ANKS1B: variants seen among roughly 807,000 people sequenced by gnomAD.
The protein encoded by ANKS1B is ankyrin repeat and sterile alpha motif domain-containing protein 1B.
A neutral mutation model predicts 148.3 loss-of-function variants in ANKS1B; 36 were observed. The observed-to-expected ratio is 0.24, with a 90% confidence interval of 0.19 to 0.32. ANKS1B has a LOEUF of 0.32. Ranked by LOEUF, ANKS1B falls within the 10% of genes least tolerant of loss-of-function variation. The probability of loss-of-function intolerance (pLI) is 1.00; values close to 1 mark genes in which losing one functional copy is unlikely to be tolerated. For synonymous variants in ANKS1B, 542 were observed against 560.8 expected (o/e 0.97, Z 0.47); for missense variants, 1,157 against 1,542.6 (o/e 0.75, Z 4.19).
intron 9 of ANKS1B, among the ~76,000 whole-genome samples, chr12:99,553,882 G>A (rs2097249991): frequency 6.6e-6 from 1 of 152,170 alleles, no homozygotes. Context: ...CTTTACGTTA[G>A]CTTCAGTGAC....
intron 14 of ANKS1B, among the ~76,000 whole-genome samples, chr12:99,216,134 C>G (rs1471469130): frequency 6.6e-6 from 1 of 152,210 alleles, no homozygotes; most frequent in Non-Finnish European, 1.5e-5. Flanking sequence ...TGCTCTCTTG[C>G]CTGCCACCAT....
intron 12 of ANKS1B, among the ~76,000 whole-genome samples, chr12:99,379,963 T>A (rs970133350): frequency 6.6e-6 from 1 of 152,258 alleles, no homozygotes; most frequent in African/African-American, 2.4e-5. Flanking sequence ...TTTTGTGAAC[T>A]TGCCTTCTTG....
intron 9 of ANKS1B, among the ~76,000 whole-genome samples, chr12:99,619,911 C>T (rs1162057971): frequency 6.6e-6 from 1 of 152,186 alleles, no homozygotes; most frequent in East Asian, 1.9e-4. Context: ...ATCTATCTTA[C>T]CCCTCTAGAG....
At chr12:99,843,526 C>T (rs1254804000) in intron 1 of ANKS1B, among the ~76,000 whole-genome samples, 1 of 152,050 alleles carries the variant, frequency 6.6e-6, no homozygotes, top group Non-Finnish European at 1.5e-5. Context: ...TCTATTCCTG[C>T]ATTAGTTTGC....
intron 8 of ANKS1B, among the ~76,000 whole-genome samples, chr12:99,655,866 A>G (rs1224533991): frequency 6.6e-6 from 1 of 152,158 alleles, no homozygotes; most frequent in Non-Finnish European, 1.5e-5. Context: ...TAACTTTTGG[A>G]TAACAGATGG....
At chr12:99,395,383 T>TAC (rs1441529812) in intron 12 of ANKS1B, among the ~76,000 whole-genome samples, 3 of 152,164 alleles carry the variant, frequency 2.0e-5, no homozygotes, top group Non-Finnish European at 4.4e-5. Flanking sequence ...CCTCTCTTCT[T>TAC]ACCTACAAAT....
chr12:99,399,929 T>C, intron 11 of ANKS1B, 118 bp from the exon 12 acceptor site: 1 of 883,754 alleles, frequency 1.1e-6, no homozygotes. Context: ...CTGGGTTTTA[T>C]ACTTAAAATA....
intron 14 of ANKS1B, among the ~76,000 whole-genome samples, chr12:99,159,532 T>A (rs1294508478): frequency 1.3e-5 from 2 of 152,224 alleles, no homozygotes; most frequent in Admixed American, 6.5e-5. Flanking sequence ...TCCAGCTGCA[T>A]CTATGTTGCT....
At chr12:98,783,400 C>T (rs934613964) in intron 22 of ANKS1B, among the ~76,000 whole-genome samples, 14 of 152,144 alleles carry the variant, frequency 9.2e-5, no homozygotes, top group South Asian at 2.1e-4. Flanking sequence ...GAGGACGAGG[C>T]GGCCCAGGGG....
chr12:99,512,807 A>G (rs2153034937), intron 9 of ANKS1B, among the ~76,000 whole-genome samples: 1 of 152,232 alleles, frequency 6.6e-6, no homozygotes, highest in South Asian at 2.1e-4. Context: ...AGGAACAGAC[A>G]ACCAAATACC....
chr12:99,522,648 C>T (rs1410622749), intron 9 of ANKS1B, among the ~76,000 whole-genome samples: 1 of 152,100 alleles, frequency 6.6e-6, no homozygotes, highest in Non-Finnish European at 1.5e-5. Context: ...ATAAAAAATT[C>T]ATCATGGAGC....
intron 1 of ANKS1B, among the ~76,000 whole-genome samples, chr12:99,911,728 C>T (rs185243102): frequency 6.6e-6 from 1 of 151,990 alleles, no homozygotes; most frequent in African/African-American, 2.4e-5. Flanking sequence ...CTTTAAAAAT[C>T]GTCAACTCAT....
intron 12 of ANKS1B, among the ~76,000 whole-genome samples, chr12:99,315,097 G>A (rs1050792069): frequency 6.6e-6 from 1 of 151,876 alleles, no homozygotes; most frequent in East Asian, 1.9e-4. Context: ...ACAAAAATTA[G>A]CTGGGCGTGG....
At chr12:98,880,700 G>A (rs941542320) in intron 17 of ANKS1B, among the ~76,000 whole-genome samples, 10 of 152,046 alleles carry the variant, frequency 6.6e-5, no homozygotes, top group East Asian at 3.9e-4. Flanking sequence ...CCCGGAAGGC[G>A]GAGCTTGCAG....
At chr12:99,540,170 G>C (rs2097111442) in intron 9 of ANKS1B, among the ~76,000 whole-genome samples, 2 of 151,952 alleles carry the variant, frequency 1.3e-5, no homozygotes, top group Admixed American at 1.3e-4. Context: ...GAAACAAAAA[G>C]TAACAGAATT....
chr12:99,131,850 C>T (rs1443160932), intron 15 of ANKS1B, among the ~76,000 whole-genome samples: 2 of 152,188 alleles, frequency 1.3e-5, no homozygotes, highest in Admixed American at 1.3e-4. Flanking sequence ...TCTGTTCAGC[C>T]ATGGGAAAGA....
intron 15 of ANKS1B, among the ~76,000 whole-genome samples, chr12:99,120,785 C>T (rs2062593872): frequency 6.6e-6 from 1 of 152,030 alleles, no homozygotes; most frequent in Non-Finnish European, 1.5e-5. Flanking sequence ...GATTTGAGGT[C>T]CCTGGGGGGC....
intron 17 of ANKS1B, among the ~76,000 whole-genome samples, chr12:98,915,047 T>C (rs995756097): frequency 5.9e-5 from 9 of 152,178 alleles, no homozygotes; most frequent in Non-Finnish European, 8.8e-5. Flanking sequence ...GAGAACTTGT[T>C]ATGGGTTGAA....
rs372447718 is a variant in ANKS1B at position 99,865,234 on chromosome 12, GA to G, written c.135-39846del. On this transcript the variant is annotated intron_variant, in intron 1 of 26. Coordinates refer to ENST00000683438, the MANE Select transcript of ANKS1B (RefSeq NM_001352186.2). ...TCTATGTTACTGCTTACTTCAACGG[GA>G]AAAGAATATATTTACACTTTGCCAT... 1.9e-3 allele frequency among the ~76,000 whole-genome samples: 296 copies of G among 152,246 alleles called. 1 individual carries two copies. The highest frequency in any genetic ancestry group is 6.9e-3 in the African/African-American group (287 of 41,542).
Sources: gnomAD v4.1 joint callset for allele counts (sites outside exome capture counted in the v4.1 genomes callset) on GRCh38, gnomAD v4.1.1 for gene constraint, MANE v1.5 for transcripts, NCBI Gene and HGNC (gene_info 2026-07-23, HGNC 2026-07-21) for gene names.